The following PLEKHG1 variants were observed in gnomAD, a reference collection of about 807,000 sequenced individuals.
The protein encoded by PLEKHG1 is pleckstrin homology domain-containing family G member 1.
A neutral mutation model predicts 100.8 loss-of-function variants in PLEKHG1; 44 were observed. That is an observed-to-expected ratio of 0.44 (90% confidence interval 0.34 to 0.56). PLEKHG1 has a LOEUF of 0.56. Ranked by LOEUF, PLEKHG1 falls within the 20% of genes least tolerant of loss-of-function variation. The probability of loss-of-function intolerance (pLI) is 0.01; values close to 1 mark genes in which losing one functional copy is unlikely to be tolerated. For missense variants in PLEKHG1, 1,545 were observed against 1,720.9 expected (o/e 0.90, Z 1.81); for synonymous variants, 640 against 662.5 (o/e 0.97, Z 0.52).
At chr6:150,666,912 C>T (rs889747286) in intron 3 of PLEKHG1, among the ~76,000 whole-genome samples, 2 of 152,116 alleles carry the variant, frequency 1.3e-5, no homozygotes, top group African/African-American at 4.8e-5. Flanking sequence ...AGGTGCCCAC[C>T]ACCACACCCG....
chr6:150,606,141 CTT>C (rs1412550635), intron 1 of PLEKHG1, among the ~76,000 whole-genome samples: 6 of 152,150 alleles, frequency 3.9e-5, no homozygotes, highest in African/African-American at 1.4e-4. Context: ...GAAACCTTCA[CTT>C]TGATTGCCGA....
intron 1 of PLEKHG1, among the ~76,000 whole-genome samples, chr6:150,636,084 C>A (rs1484068913): frequency 6.6e-6 from 1 of 152,050 alleles, no homozygotes; most frequent in Non-Finnish European, 1.5e-5. Context: ...TAATGGCTTC[C>A]TGTGCAAATA....
exon 15 of PLEKHG1, chr6:150,830,766 A>G: frequency 6.2e-7 from 1 of 1,614,158 alleles, no homozygotes; most frequent in Non-Finnish European, 8.5e-7. Flanking sequence ...CCGCAGGAGA[A>G]TGAGGATGAT....
At chr6:150,707,234 C>G (rs1781060386) in intron 3 of PLEKHG1, among the ~76,000 whole-genome samples, 1 of 151,784 alleles carries the variant, frequency 6.6e-6, no homozygotes, top group Non-Finnish European at 1.5e-5. Flanking sequence ...GAACTCCTGA[C>G]CTCAGATGAT....
chr6:150,789,222 A>G (rs967143728), intron 4 of PLEKHG1, among the ~76,000 whole-genome samples: 40 of 152,204 alleles, frequency 2.6e-4, no homozygotes, highest in African/African-American at 8.9e-4. Context: ...TCTCATTTCT[A>G]TGTCATCTCT....
intron 3 of PLEKHG1, among the ~76,000 whole-genome samples, chr6:150,661,563 G>T (rs1269438258): frequency 6.6e-6 from 1 of 152,142 alleles, no homozygotes; most frequent in Non-Finnish European, 1.5e-5. Flanking sequence ...GGCCATCTGG[G>T]GGCCAGTTCC....
At chr6:150,825,006 C>T (rs1392174485) in intron 14 of PLEKHG1, among the ~76,000 whole-genome samples, 4 of 152,092 alleles carry the variant, frequency 2.6e-5, no homozygotes, top group Admixed American at 2.0e-4. Flanking sequence ...CCCTGCTCTT[C>T]AAAGCAGCCA....
At chr6:150,784,807 TTCTC>T (rs759247601) in intron 3 of PLEKHG1, among the ~76,000 whole-genome samples, 14 of 152,082 alleles carry the variant, frequency 9.2e-5, no homozygotes, top group Non-Finnish European at 1.9e-4. Flanking sequence ...GAAAACATGA[TTCTC>T]TAAGAAAGGA....
chr6:150,738,267 C>T (rs2128620615), intron 2 of PLEKHG1, among the ~76,000 whole-genome samples: 1 of 152,310 alleles, frequency 6.6e-6, no homozygotes, highest in South Asian at 2.1e-4. Flanking sequence ...ATTAGTAGTA[C>T]ATTTTATCTG....
At chr6:150,770,537 G>A (rs949457443) in intron 3 of PLEKHG1, among the ~76,000 whole-genome samples, 3 of 152,270 alleles carry the variant, frequency 2.0e-5, no homozygotes, top group East Asian at 1.9e-4. Context: ...ATTCTGACTC[G>A]TTGGTCGAGG....
chr6:150,762,929 A>AATAATTCTT (rs1784240956), intron 2 of PLEKHG1, among the ~76,000 whole-genome samples: 1 of 151,976 alleles, frequency 6.6e-6, no homozygotes, highest in African/African-American at 2.4e-5. Context: ...GTACTTTGTA[A>AATAATTCTT]ATAATTCTTG....
At chr6:150,662,006 G>A (rs1779212961) in intron 3 of PLEKHG1, among the ~76,000 whole-genome samples, 2 of 152,146 alleles carry the variant, frequency 1.3e-5, no homozygotes, top group South Asian at 4.1e-4. Context: ...GAGACAGTCA[G>A]AATGAGGGCC....
intron 3 of PLEKHG1, among the ~76,000 whole-genome samples, chr6:150,703,604 A>C (rs933360570): frequency 7.4e-5 from 11 of 149,110 alleles, no homozygotes; most frequent in African/African-American, 2.8e-4. Flanking sequence ...CCATCTTAAA[A>C]AAAAAAAAAA....
chr6:150,801,529 C>T (rs535531447), intron 6 of PLEKHG1, among the ~76,000 whole-genome samples: 2 of 150,396 alleles, frequency 1.3e-5, no homozygotes, highest in East Asian at 2.0e-4. Flanking sequence ...CCTCCGCCTC[C>T]TGGGCTCAAG....
chr6:150,799,549 A>G (rs1434874946), intron 5 of PLEKHG1, among the ~76,000 whole-genome samples: 1 of 152,174 alleles, frequency 6.6e-6, no homozygotes, highest in Admixed American at 6.5e-5. Flanking sequence ...CTTGAGCAAG[A>G]ACCCAAGCCT....
At chr6:150,676,587 T>C (rs1348861242) in intron 3 of PLEKHG1, among the ~76,000 whole-genome samples, 3 of 152,150 alleles carry the variant, frequency 2.0e-5, no homozygotes, top group African/African-American at 7.2e-5. Context: ...GACGGTGTCA[T>C]GAGACAAGAA....
intron 1 of PLEKHG1, among the ~76,000 whole-genome samples, chr6:150,628,573 C>T (rs900750300): frequency 2.7e-5 from 4 of 147,700 alleles, no homozygotes; most frequent in African/African-American, 5.0e-5. Flanking sequence ...CACACACACA[C>T]ACACCCCGTC....
At chr6:150,800,925 T>C (rs1305178944) in intron 6 of PLEKHG1, 56 bp downstream of exon 7, 3 of 1,474,166 alleles carry the variant, frequency 2.0e-6, no homozygotes, top group Non-Finnish European at 2.8e-6. Flanking sequence ...TGTGTGTATA[T>C]ATTAAGTTTG....
chr6:150,838,037 A>G (rs922729058), intron 15 of PLEKHG1, among the ~76,000 whole-genome samples: 1 of 152,212 alleles, frequency 6.6e-6, no homozygotes, highest in Non-Finnish European at 1.5e-5. Flanking sequence ...TGGGGTTGCA[A>G]TTAAAGGTCA....
Sources: allele counts gnomAD v4.1 joint callset (sites outside exome capture counted in the v4.1 genomes callset), GRCh38; gene constraint gnomAD v4.1.1; transcripts MANE v1.5; gene names NCBI Gene and HGNC (gene_info 2026-07-23, HGNC 2026-07-21).